Variants in SCMH1 observed in about 807,000 individuals in gnomAD.
SCMH1 encodes the protein polycomb protein SCMH1.
Under a neutral mutation model 70.8 loss-of-function variants are expected in SCMH1, and 37 were observed. The observed-to-expected ratio is 0.52, with a 90% CI of 0.40 to 0.69. SCMH1 has a LOEUF of 0.69. SCMH1 is among the 30% of genes least tolerant of loss of function. The pLI, the probability that SCMH1 is intolerant of heterozygous loss-of-function variation, is 0.00. For missense variants in SCMH1, 607 were observed against 827.3 expected (o/e 0.73, Z 3.27); for synonymous variants, 292 against 307.4 (o/e 0.95, Z 0.52).
chr1:41,177,784 G>A (rs1487791229), intron 2 of SCMH1, among the ~76,000 whole-genome samples: 1 of 152,302 alleles, frequency 6.6e-6, no homozygotes, highest in Non-Finnish European at 1.5e-5. Flanking sequence ...AAAAGTGATG[G>A]GGAGAATGGA....
intron 10 of SCMH1, among the ~76,000 whole-genome samples, chr1:41,059,831 G>C (rs1041300153): frequency 1.3e-5 from 2 of 152,138 alleles, no homozygotes; most frequent in African/African-American, 2.4e-5. Context: ...TAAGGGGTTT[G>C]AGTGCACGGC....
chr1:41,140,419 C>T (rs914851322), intron 6 of SCMH1, among the ~76,000 whole-genome samples: 3 of 152,026 alleles, frequency 2.0e-5, no homozygotes, highest in East Asian at 1.9e-4. Context: ...CAGCCTCCCA[C>T]GTAGCTGGGA....
chr1:41,040,951 A>G (rs966293791), intron 12 of SCMH1, among the ~76,000 whole-genome samples: 1 of 152,184 alleles, frequency 6.6e-6, no homozygotes, highest in South Asian at 2.1e-4. Context: ...CCCAACAATA[A>G]AATCAATTGC....
At chr1:41,193,538 G>A (rs1207937410) in intron 1 of SCMH1, among the ~76,000 whole-genome samples, 1 of 152,070 alleles carries the variant, frequency 6.6e-6, no homozygotes, top group East Asian at 1.9e-4. Context: ...GGGGGGTTGA[G>A]GAAAGCTTCA....
chr1:41,231,273 T>C (rs1284283891), intron 1 of SCMH1, among the ~76,000 whole-genome samples: 2 of 152,184 alleles, frequency 1.3e-5, no homozygotes, highest in African/African-American at 4.8e-5. Flanking sequence ...CAAACTGCAG[T>C]TTGTCAGTCA....
At chr1:41,083,781 T>C (rs899882066) in intron 8 of SCMH1, among the ~76,000 whole-genome samples, 23 of 152,116 alleles carry the variant, frequency 1.5e-4, no homozygotes, top group African/African-American at 5.1e-4. Flanking sequence ...AACAGAGATA[T>C]AGATCAATGG....
intron 1 of SCMH1, among the ~76,000 whole-genome samples, chr1:41,237,484 T>C (rs1283219088): frequency 6.6e-6 from 1 of 152,172 alleles, no homozygotes; most frequent in Non-Finnish European, 1.5e-5. Context: ...TAAACTGAGG[T>C]AGAGAAAGAA....
chr1:41,039,025 T>A (rs1645716570), intron 12 of SCMH1, among the ~76,000 whole-genome samples: 1 of 152,190 alleles, frequency 6.6e-6, no homozygotes, highest in Non-Finnish European at 1.5e-5. Context: ...TGTGAAAAAT[T>A]GTTATTTTGT....
intron 1 of SCMH1, among the ~76,000 whole-genome samples, chr1:41,210,150 A>G (rs1299068626): frequency 1.3e-5 from 2 of 152,216 alleles, no homozygotes; most frequent in Non-Finnish European, 2.9e-5. Context: ...CCAACTTACA[A>G]GGGATGTGAA....
intron 5 of SCMH1, among the ~76,000 whole-genome samples, chr1:41,147,065 T>G (rs768160114): frequency 3.3e-5 from 5 of 152,172 alleles, no homozygotes; most frequent in Admixed American, 6.5e-5. Context: ...CACTATTTAA[T>G]ATGGTCAGTC....
At chr1:41,201,003 C>T (rs898683813) in intron 1 of SCMH1, among the ~76,000 whole-genome samples, 22 of 152,158 alleles carry the variant, frequency 1.4e-4, no homozygotes, top group African/African-American at 4.6e-4. Context: ...GACCAGAGAT[C>T]TCAAGATCAA....
chr1:41,222,215 C>A (rs1026615340), intron 1 of SCMH1, among the ~76,000 whole-genome samples: 10 of 151,722 alleles, frequency 6.6e-5, no homozygotes, highest in African/African-American at 2.4e-4. Context: ...AAAGAGAAAG[C>A]ATGAAGGAAT....
At chr1:41,101,339 T>C (rs1666599503) in intron 8 of SCMH1, among the ~76,000 whole-genome samples, 1 of 152,200 alleles carries the variant, frequency 6.6e-6, no homozygotes, top group Non-Finnish European at 1.5e-5. Flanking sequence ...AAGATGAGTC[T>C]TAAGTTAGGT....
At chr1:41,134,090 C>T (rs1290585648) in intron 6 of SCMH1, among the ~76,000 whole-genome samples, 5 of 152,184 alleles carry the variant, frequency 3.3e-5, no homozygotes, top group Admixed American at 3.3e-4. Context: ...CCACAACAAT[C>T]AAGTCGGCTT....
At chr1:41,083,655 C>G (rs1362534191) in intron 8 of SCMH1, among the ~76,000 whole-genome samples, 1 of 152,138 alleles carries the variant, frequency 6.6e-6, no homozygotes, top group Non-Finnish European at 1.5e-5. Context: ...CAAAAAAGAG[C>G]CCGCATCGCC....
At chr1:41,111,295 G>A (rs376264441) in intron 8 of SCMH1, among the ~76,000 whole-genome samples, 223 of 152,154 alleles carry the variant, frequency 1.5e-3, no homozygotes, top group Non-Finnish European at 2.6e-3. Flanking sequence ...GGTTTACAAG[G>A]TCCTACATGA....
At chr1:41,032,879 T>C (rs1644733718) in intron 13 of SCMH1, among the ~76,000 whole-genome samples, 1 of 150,960 alleles carries the variant, frequency 6.6e-6, no homozygotes, top group Admixed American at 6.6e-5. Context: ...CTCGGGAGGC[T>C]GAGGCAGGAG....
chr1:41,211,543 T>C (rs61774686), intron 1 of SCMH1, among the ~76,000 whole-genome samples: 22,699 of 152,216 alleles, frequency 0.15, 2,198 homozygotes, highest in Non-Finnish European at 0.21. Context: ...TGTGGAGATA[T>C]AGGAACACCT....
chr1:41,227,850 C>T (rs1335728778), intron 1 of SCMH1, among the ~76,000 whole-genome samples: 8 of 152,030 alleles, frequency 5.3e-5, no homozygotes, highest in Non-Finnish European at 1.2e-4. Flanking sequence ...TGGTGGTGTG[C>T]ACCTGTAATC....
Sources: allele counts gnomAD v4.1 joint callset (sites outside exome capture counted in the v4.1 genomes callset), GRCh38; gene constraint gnomAD v4.1.1; transcripts MANE v1.5; gene names NCBI Gene and HGNC (gene_info 2026-07-23, HGNC 2026-07-21).